Variants in RAB18 observed in about 807,000 individuals in gnomAD.
RAB18 encodes RAB18, member RAS oncogene family.
In RAB18, 10 loss-of-function variants were observed where a neutral mutation model predicts 28.5. That is an observed-to-expected ratio of 0.35 (90% CI 0.22 to 0.60). The LOEUF (loss-of-function observed/expected upper bound fraction) is 0.60. RAB18 is among the 20% of genes least tolerant of loss of function. The probability of loss-of-function intolerance (pLI) is 0.78; values close to 1 mark genes in which losing one functional copy is unlikely to be tolerated. For missense variants in RAB18, 188 were observed against 244.2 expected (o/e 0.77, Z 1.53); for synonymous variants, 93 against 86.9 (o/e 1.07, Z -0.39).
At position 27,532,514 on chromosome 10, in the gene RAB18, C is replaced by A; in HGVS notation, c.194C>A (p.Ala65Asp). 6.3e-7 allele frequency: 1 copy of A among 1,599,496 alleles called. No individual in the cohort carries two copies. The highest frequency in any genetic ancestry group is 8.6e-7 in the Non-Finnish European group (1 of 1,168,110). ...AATAATGATCATTTTTAGGATACTG[C>A]TGGTCAAGAGAGGTTTAGAACATTA... is the stretch of plus-strand genomic sequence containing the variant. Reference protein sequence around the residue: ...NKAKLAIWDTAGQERFRTLTP... With the variant: ...NKAKLAIWDTDGQERFRTLTP... Residue 65 changes from alanine (A) to aspartate (D), a missense_variant, in exon 4 of 7, where the codon GCT becomes GAT. By Grantham distance (126) the Ala-to-Asp change is moderately radical. Transcript: ENST00000356940.
At chr10:27,516,354 G>C (rs1589567557) in intron 2 of RAB18, among the ~76,000 whole-genome samples, 1 of 152,082 alleles carries the variant, frequency 6.6e-6, no homozygotes, top group South Asian at 2.1e-4. Context: ...TCAGGAGTTC[G>C]AGACCAGCCT....
rs763696763 is a variant in RAB18, at chr10:27,538,157, GTTTTA to G, written c.*108_*112del. 1 of 1,421,458 alleles carries G rather than the reference GTTTTA, an allele frequency of 7.0e-7. No individual in the cohort carries two copies. The highest frequency in any genetic ancestry group is 9.9e-7 in the Non-Finnish European group (1 of 1,013,116). The allele number at this position is 1,421,458 out of a possible 1,614,324, so 88.1% of individuals were successfully genotyped here. A position where few individuals can be genotyped will look rare whatever the true frequency, so the allele number is the denominator to read the frequency against. On this transcript the variant is annotated 3_prime_UTR_variant, in exon 7 of 7. Coordinates refer to ENST00000356940, the MANE Select transcript of RAB18 (RefSeq NM_021252.5). ...GGGACCTTGCAGTTTGCACATAATT[GTTTTA>G]TATCATAGCAGTAAATATTTGCAAG...
At position 27,541,208 on chromosome 10, in the gene RAB18, C is replaced by T. The variant is rs1364769737; in HGVS notation, c.*3157C>T. Reference sequence around the variant, plus strand: ...CTTTCAGAAGACATTGTTCTGACTCCGACCCTGCCGTGTATACTCAACTAT... The same window carrying T: ...CTTTCAGAAGACATTGTTCTGACTCTGACCCTGCCGTGTATACTCAACTAT... On this transcript the variant is annotated 3_prime_UTR_variant, in exon 7 of 7. Coordinates refer to ENST00000356940, the MANE Select transcript of RAB18 (RefSeq NM_021252.5). 8 of 453,814 alleles carry T rather than the reference C, an allele frequency of 1.8e-5. No homozygotes were observed. Among genetic ancestry groups the T allele is most frequent in the Non-Finnish European group, 3.5e-5 (8 of 226,776 alleles). The allele number at this position is 453,814 out of a possible 1,614,324, so 28.1% of individuals were successfully genotyped here. A position where few individuals can be genotyped will look rare whatever the true frequency, so the allele number is the denominator to read the frequency against.
chr10:27,533,750 G>A lies in RAB18; in HGVS notation c.275G>A (p.Arg92Lys). 6.2e-7 allele frequency: 1 copy of A among 1,613,366 alleles called. No homozygotes were observed. Among genetic ancestry groups the A allele is most frequent in the Middle Eastern group, 1.7e-4 (1 of 6,036 alleles). Residue 92 changes from arginine to lysine, a missense_variant, in exon 5 of 7, where the codon AGA (arginine) becomes AAA (lysine). By Grantham distance (26) the Arg-to-Lys change is conservative (BLOSUM62 2). Transcript: ENST00000356940. ...TTTATTTCAGTTTATGATGTCACAA[G>A]AAGAGATACATTTGTTAAACTGGAT... ...QGVILVYDVTRRDTFVKLDNW... is the reference protein window; with the variant it reads ...QGVILVYDVTKRDTFVKLDNW...
chr10:27,539,757 A>G lies in RAB18; in HGVS notation c.*1706A>G. ...TATGAGTTACTTGAATATAACAAAAATGAATTTTGTTTGATAGATTTATAT... is the reference window on the plus strand; with the variant it reads ...TATGAGTTACTTGAATATAACAAAAGTGAATTTTGTTTGATAGATTTATAT... On this transcript the variant is annotated 3_prime_UTR_variant, in exon 7 of 7. Transcript: ENST00000356940. The G allele has an allele frequency of 2.2e-6, 1 of 450,260 alleles. No individual in the cohort carries two copies. The highest frequency in any genetic ancestry group is 1.6e-5 in the South Asian group (1 of 63,252). 27.9% of individuals were successfully genotyped at this position (450,260 alleles called of 1,614,324 possible).
At chr10:27,531,496 T>C in intron 3 of RAB18, 1 of 1,542,150 alleles carries the variant, frequency 6.5e-7, no homozygotes, top group Non-Finnish European at 8.8e-7. Flanking sequence ...AAGTTGAGGT[T>C]TGATACATGT....
intron 2 of RAB18, among the ~76,000 whole-genome samples, chr10:27,512,960 G>A (rs1834351717): frequency 6.7e-6 from 1 of 150,302 alleles, no homozygotes; most frequent in African/African-American, 2.4e-5. Context: ...TGAATATGTT[G>A]AACAAAATAT....
chr10:27,534,032 A>G (rs781620585), intron 6 of RAB18, 38 bp downstream of exon 6: 1 of 1,538,940 alleles, frequency 6.5e-7, no homozygotes, highest in African/African-American at 1.4e-5. Flanking sequence ...TTCATTATTA[A>G]TGAGGAATTT....
intron 1 of RAB18, among the ~76,000 whole-genome samples, chr10:27,508,828 TAGAA>T (rs1450664170): frequency 6.6e-6 from 1 of 152,160 alleles, no homozygotes; most frequent in Non-Finnish European, 1.5e-5. Context: ...TCACAACCTA[TAGAA>T]AGAGTCATAA....
chr10:27,527,787 A>G (rs1178243680), intron 3 of RAB18, among the ~76,000 whole-genome samples: 2 of 152,102 alleles, frequency 1.3e-5, no homozygotes, highest in Non-Finnish European at 2.9e-5. Context: ...GTGTTCATGC[A>G]TTGTATGATG....
At chr10:27,518,829 T>G (rs555287544) in intron 2 of RAB18, among the ~76,000 whole-genome samples, 18 of 151,520 alleles carry the variant, frequency 1.2e-4, no homozygotes, top group African/African-American at 4.1e-4. Flanking sequence ...GTGTTGTATC[T>G]TTTGCCTGAC....
chr10:27,510,035 A>C lies in RAB18; in HGVS notation c.124+105A>C, dbSNP rs544288092. The C allele has an allele frequency of 1.1e-4, 97 of 843,828 alleles. No individual in the cohort carries two copies. The Admixed American group carries it at 1.5e-3, about 13-fold the overall frequency. The allele number at this position is 843,828 out of a possible 1,614,324, so 52.3% of individuals were successfully genotyped here. On this transcript the variant is annotated intron_variant, in intron 2 of 6. Transcript: ENST00000356940. ...TTCCTCTCACCACCCCACTGCCTCC[A>C]TGTCTGTTGAAATCTTATTTGTCCT...
chr10:27,517,467 T>C (rs995340093), intron 2 of RAB18, among the ~76,000 whole-genome samples: 2 of 152,226 alleles, frequency 1.3e-5, no homozygotes, highest in Non-Finnish European at 2.9e-5. Context: ...CATAGGGAAT[T>C]GGACTAACAA....
At chr10:27,517,695 T>G (rs1317525775) in intron 2 of RAB18, among the ~76,000 whole-genome samples, 1 of 152,242 alleles carries the variant, frequency 6.6e-6, no homozygotes, top group African/African-American at 2.4e-5. Flanking sequence ...TTTTAAAAAA[T>G]TATACATTAA....
At chr10:27,518,677 AT>A (rs1834486281) in intron 2 of RAB18, among the ~76,000 whole-genome samples, 1 of 151,968 alleles carries the variant, frequency 6.6e-6, no homozygotes, top group African/African-American at 2.4e-5. Context: ...CTGTTATTAG[AT>A]GATATATGCT....
chr10:27,536,065 G>A (rs1326722696), intron 6 of RAB18, among the ~76,000 whole-genome samples: 4 of 122,660 alleles, frequency 3.3e-5, no homozygotes, highest in Non-Finnish European at 7.7e-5. Flanking sequence ...CTGGGCGACA[G>A]AGCGAGACTC....
chr10:27,510,074 T>G lies in RAB18; in HGVS notation c.124+144T>G, dbSNP rs980719522. Reference sequence around the variant, plus strand: ...CTTATTTGTCCTTCAAGACTTAATTTTGGTATCATTAAATCTTTGAAGCCT... The same window carrying G: ...CTTATTTGTCCTTCAAGACTTAATTGTGGTATCATTAAATCTTTGAAGCCT... On this transcript the variant is annotated intron_variant, in intron 2 of 6. Coordinates refer to ENST00000356940, the MANE Select transcript of RAB18 (RefSeq NM_021252.5). 1.4e-5 allele frequency: 10 copies of G among 698,238 alleles called. No individual in the cohort carries two copies. In the African/African-American group the frequency reaches 1.6e-4, roughly 11 times the overall value. 43.3% of individuals were successfully genotyped at this position (698,238 alleles called of 1,614,324 possible).
At chr10:27,524,070 A>G (rs971830085) in intron 2 of RAB18, among the ~76,000 whole-genome samples, 1 of 150,618 alleles carries the variant, frequency 6.6e-6, no homozygotes, top group African/African-American at 2.4e-5. Context: ...ACAGAGCAAG[A>G]CTCCGTCTCA....
At chr10:27,535,887 C>T (rs1834884435) in intron 6 of RAB18, among the ~76,000 whole-genome samples, 1 of 151,990 alleles carries the variant, frequency 6.6e-6, no homozygotes, top group Non-Finnish European at 1.5e-5. Flanking sequence ...GAGATCGAGA[C>T]CATGGCTAAC....
Sources: gnomAD v4.1 joint callset for allele counts (sites outside exome capture counted in the v4.1 genomes callset) on GRCh38, gnomAD v4.1.1 for gene constraint, MANE v1.5 for transcripts, NCBI Gene and HGNC (gene_info 2026-07-23, HGNC 2026-07-21) for gene names.